SRBD1: variants seen among roughly 807,000 people sequenced by gnomAD.
SRBD1 encodes the protein S1 RNA-binding domain-containing protein 1.
SRBD1 carries 88 observed loss-of-function variants against 115.3 expected under a neutral mutation model. The observed-to-expected ratio is 0.76, with a 90% CI of 0.64 to 0.91. The LOEUF is 0.91. Among genes scored for constraint, SRBD1 ranks in the 40% least tolerant of loss-of-function variants. SRBD1 has a pLI of 0.00. For synonymous variants in SRBD1, 509 were observed against 407.7 expected (o/e 1.25, Z -2.99); for missense variants, 1,385 against 1,177.4 (o/e 1.18, Z -2.58).
Position 45,599,480 on chromosome 2 carries a change from T to C in SRBD1, c.617A>G (p.Glu206Gly). The C allele has an allele frequency of 6.2e-7, 1 of 1,614,076 alleles. No individual in the cohort carries two copies. Among genetic ancestry groups the C allele is most frequent in the Non-Finnish European group, 8.5e-7 (1 of 1,179,980 alleles). The change falls in exon 4 of 21, where the codon GAG becomes GGG. Residue 206 changes from glutamate to glycine, a missense_variant. Physicochemically the swap from Glu to Gly is moderately conservative, Grantham distance 98. Coordinates refer to ENST00000263736, the MANE Select transcript of SRBD1 (RefSeq NM_018079.5). ...CATGTCCCAATTCATTTCCACCTCC[T>C]CTTTAGTACTATTGGCATTTGCTGG... ...KFPANANSTK[E>G]EVEMNWDMVQ...
intron 16 of SRBD1, among the ~76,000 whole-genome samples, chr2:45,422,997 C>G (rs531542944): frequency 2.0e-5 from 3 of 152,268 alleles, no homozygotes; most frequent in Admixed American, 6.5e-5. Flanking sequence ...AAAATGTTGA[C>G]TCCAATCAGT....
intron 14 of SRBD1, among the ~76,000 whole-genome samples, chr2:45,496,998 G>C (rs574844914): frequency 1.3e-5 from 2 of 152,104 alleles, no homozygotes; most frequent in African/African-American, 4.8e-5. Context: ...ACAGATGGAG[G>C]GAAAGAATGA....
chr2:45,582,632 T>A (rs949360404), intron 5 of SRBD1, among the ~76,000 whole-genome samples: 1 of 152,196 alleles, frequency 6.6e-6, no homozygotes, highest in African/African-American at 2.4e-5. Context: ...ATCATTTATC[T>A]TAATGTTCAA....
chr2:45,549,705 A>AAAG (rs1672236031), intron 12 of SRBD1, among the ~76,000 whole-genome samples: 1 of 148,750 alleles, frequency 6.7e-6, no homozygotes, highest in African/African-American at 2.5e-5. Flanking sequence ...ACAAAAAAAA[A>AAAG]AAAAAAAAAA....
At chr2:45,422,359 G>A (rs1005810395) in intron 16 of SRBD1, among the ~76,000 whole-genome samples, 4 of 152,148 alleles carry the variant, frequency 2.6e-5, no homozygotes, top group African/African-American at 9.7e-5. Flanking sequence ...AAGGCCATAT[G>A]CTTTGGAAAA....
rs1673500162 is a variant in SRBD1 at position 45,585,740 on chromosome 2, A to G, written c.683T>C (p.Val228Ala). Residue 228 changes from valine (V) to alanine (A), a missense_variant, in exon 5 of 21, where the codon GTT becomes GCT. Transcript: ENST00000263736. ...AAAGAGACGAATGATGTTGGCACAA[A>G]CCCAAGGTTCAATATTAGTTCTCTC... is the stretch of plus-strand genomic sequence containing the variant. Reference protein sequence around the residue: ...LSERTNIEPWVCANIIRLFND... With the variant: ...LSERTNIEPWACANIIRLFND... The G allele has an allele frequency of 6.2e-7, 1 of 1,609,588 alleles. No individual in the cohort carries two copies. The highest frequency in any genetic ancestry group is 1.1e-5 in the South Asian group (1 of 89,844).
intron 14 of SRBD1, among the ~76,000 whole-genome samples, chr2:45,535,417 T>G (rs1183540461): frequency 6.6e-6 from 1 of 152,026 alleles, no homozygotes; most frequent in East Asian, 1.9e-4. Context: ...CCTACCTAAG[T>G]GCTCATCAAC....
At chr2:45,547,449 A>T in intron 13 of SRBD1, 73 bp downstream of exon 13, 1 of 1,355,408 alleles carries the variant, frequency 7.4e-7, no homozygotes, top group South Asian at 1.2e-5. Flanking sequence ...CCCTCCCTCC[A>T]AATTAGGGGC....
At position 45,581,721 on chromosome 2, in the gene SRBD1, C is replaced by T; in HGVS notation, c.905G>A (p.Cys302Tyr). 1.2e-6 allele frequency: 2 copies of T among 1,613,340 alleles called. No individual in the cohort carries two copies. Among genetic ancestry groups the T allele is most frequent in the Non-Finnish European group, 8.5e-7 (1 of 1,179,726 alleles). The change falls in exon 6 of 21, where the codon TGT becomes TAT. Residue 302 changes from cysteine to tyrosine, a missense_variant. Physicochemically the swap from Cys to Tyr is radical, Grantham distance 194. Transcript: ENST00000263736. The stretch of plus-strand genomic sequence containing the variant: ...GTGTTCTAGTTCTTCAAAAGTTTTA[C>T]AATTCAGCATGGCTTTTAACAAGCA... ...SECLLKAMLN[C>Y]KTFEELEHVS...
chr2:45,433,298 C>A (rs866526058), intron 16 of SRBD1, among the ~76,000 whole-genome samples: 2 of 152,116 alleles, frequency 1.3e-5, no homozygotes, highest in Non-Finnish European at 2.9e-5. Flanking sequence ...ACAAAAATAA[C>A]TGTGTGAGGT....
At chr2:45,408,375 A>G (rs578048506) in intron 19 of SRBD1, among the ~76,000 whole-genome samples, 1 of 152,354 alleles carries the variant, frequency 6.6e-6, no homozygotes, top group South Asian at 2.1e-4. Flanking sequence ...GATCTTAGCC[A>G]AAAGGCCGAG....
intron 4 of SRBD1, among the ~76,000 whole-genome samples, chr2:45,596,370 G>A (rs572842420): frequency 6.6e-6 from 1 of 152,278 alleles, no homozygotes; most frequent in Admixed American, 6.5e-5. Context: ...AGTGAACCCA[G>A]ATATTCATTC....
chr2:45,393,254 G>A, intron 19 of SRBD1, 125 bp from the exon 20 acceptor site: 1 of 962,004 alleles, frequency 1.0e-6, no homozygotes, highest in Non-Finnish European at 1.4e-6. Context: ...TCTTTATTGA[G>A]AATCTATTAT....
chr2:45,543,955 T>C (rs1275835029), intron 14 of SRBD1, among the ~76,000 whole-genome samples: 1 of 152,120 alleles, frequency 6.6e-6, no homozygotes, highest in Non-Finnish European at 1.5e-5. Context: ...AAGTCTTAAA[T>C]TGCAACAAAA....
At position 45,560,885 on chromosome 2, in the gene SRBD1, C is replaced by T. The variant is rs984928792; in HGVS notation, c.1409+1768G>A. ...TTTTGGGAGGCTCAGATAGAAGGACCGCTTGAGCCCAGGAGTTCAAGACCA... is the reference window on the plus strand; with the variant it reads ...TTTTGGGAGGCTCAGATAGAAGGACTGCTTGAGCCCAGGAGTTCAAGACCA... On this transcript the variant is annotated intron_variant, in intron 10 of 20. Transcript: ENST00000263736. Among the ~76,000 whole-genome samples the T allele has an allele frequency of 5.9e-5, 9 of 151,710 alleles. No individual in the cohort carries two copies. In the South Asian group the frequency reaches 6.2e-4, roughly 11 times the overall value.
At chr2:45,552,005 T>C (rs1486461470) in intron 11 of SRBD1, among the ~76,000 whole-genome samples, 1 of 151,716 alleles carries the variant, frequency 6.6e-6, no homozygotes, top group Non-Finnish European at 1.5e-5. Flanking sequence ...ACCACGGAGA[T>C]AAAGGGGAGG....
At chr2:45,436,670 T>G (rs117224454) in intron 16 of SRBD1, among the ~76,000 whole-genome samples, 1 of 152,226 alleles carries the variant, frequency 6.6e-6, no homozygotes, top group East Asian at 1.9e-4. Context: ...CAGATCTTGT[T>G]AGAATTTACT....
chr2:45,509,941 C>T (rs373710651), intron 14 of SRBD1, among the ~76,000 whole-genome samples: 2 of 152,136 alleles, frequency 1.3e-5, no homozygotes, highest in East Asian at 3.9e-4. Flanking sequence ...CACTACGTTG[C>T]CCAGGCTGGT....
At chr2:45,508,252 CTTAATACATA>C in intron 14 of SRBD1, among the ~76,000 whole-genome samples, 1 of 151,976 alleles carries the variant, frequency 6.6e-6, no homozygotes, top group Non-Finnish European at 1.5e-5. Flanking sequence ...ACAGCTGTCA[CTTAATACATA>C]CTGAACACCA....
Sources: allele counts gnomAD v4.1 joint callset (sites outside exome capture counted in the v4.1 genomes callset), GRCh38; gene constraint gnomAD v4.1.1; transcripts MANE v1.5; gene names NCBI Gene and HGNC (gene_info 2026-07-23, HGNC 2026-07-21).